The following PTPRT variants were observed in gnomAD, a reference collection of about 807,000 sequenced individuals.
The protein encoded by PTPRT is receptor-type tyrosine-protein phosphatase T.
In PTPRT, 56 loss-of-function variants were observed where a neutral mutation model predicts 176.8. The ratio of observed to expected loss-of-function variants is 0.32; its 90% CI spans 0.26 to 0.40. PTPRT has a LOEUF of 0.40. Among genes scored for constraint, PTPRT ranks in the 10% least tolerant of loss-of-function variants. The pLI is 1.00. For missense variants in PTPRT, 1,540 were observed against 1,908.2 expected (o/e 0.81, Z 3.60); for synonymous variants, 783 against 739.0 (o/e 1.06, Z -0.96).
rs188217296 is a variant in PTPRT, at chr20:42,910,549, A to C, written c.89-24617T>G. On this transcript the variant is annotated intron_variant, in intron 1 of 30. Transcript: ENST00000373187. Reference sequence around the variant, plus strand: ...AATTCATTCCACTGGACTTCCCCCAAGTAATCGACAGCTGGCTATGGGGTC... The same window carrying C: ...AATTCATTCCACTGGACTTCCCCCACGTAATCGACAGCTGGCTATGGGGTC... Among the ~76,000 whole-genome samples, 18 of 152,294 alleles carry C rather than the reference A, an allele frequency of 1.2e-4. No individual in the cohort carries two copies. The East Asian group carries it at 3.1e-3, about 26-fold the overall frequency.
chr20:42,728,407 A>G (rs112893012), intron 6 of PTPRT, among the ~76,000 whole-genome samples: 5 of 152,288 alleles, frequency 3.3e-5, no homozygotes, highest in African/African-American at 9.6e-5. Context: ...TTACATTATC[A>G]TCTTGCAAGG....
chr20:43,010,234 C>A (rs1985048538), intron 1 of PTPRT, among the ~76,000 whole-genome samples: 1 of 152,274 alleles, frequency 6.6e-6, no homozygotes, highest in Admixed American at 6.5e-5. Flanking sequence ...CTTCCATTAT[C>A]AAGTCACTTC....
intron 6 of PTPRT, among the ~76,000 whole-genome samples, chr20:42,752,629 G>A (rs1215078614): frequency 6.6e-6 from 1 of 152,234 alleles, no homozygotes; most frequent in Non-Finnish European, 1.5e-5. Flanking sequence ...CTTGGCCCTT[G>A]AGAATCCTTT....
intron 7 of PTPRT, among the ~76,000 whole-genome samples, chr20:42,620,465 C>G (rs551903758): frequency 1.1e-3 from 162 of 149,022 alleles, no homozygotes; most frequent in African/African-American, 4.0e-3. Context: ...GTGGTGGGCT[C>G]CACCCAGTTC....
At position 43,166,412 on chromosome 20, in the gene PTPRT, TTGTC is replaced by T. The variant is rs1368992543; in HGVS notation, c.88+23230_88+23233del. ...AGGCTTTATTTTTCTTTAATGCTGA[TTGTC>T]TGTCCACAATTTTAAAGATTTCCTC... On this transcript the variant is annotated intron_variant, in intron 1 of 30. Coordinates refer to ENST00000373187, the MANE Select transcript of PTPRT (RefSeq NM_007050.6). Among the ~76,000 whole-genome samples, 6 of 152,330 alleles carry T rather than the reference TTGTC, an allele frequency of 3.9e-5. No individual in the cohort carries two copies. In the East Asian group the frequency reaches 7.7e-4, roughly 20 times the overall value.
At chr20:42,548,817 C>T (rs1013367092) in intron 7 of PTPRT, among the ~76,000 whole-genome samples, 1 of 152,046 alleles carries the variant, frequency 6.6e-6, no homozygotes, top group Non-Finnish European at 1.5e-5. Flanking sequence ...TGTGAACAGT[C>T]AATAAAGAAG....
intron 2 of PTPRT, among the ~76,000 whole-genome samples, chr20:42,859,061 CAGG>C (rs1028764831): frequency 6.6e-6 from 1 of 152,140 alleles, no homozygotes; most frequent in Admixed American, 6.5e-5. Flanking sequence ...GCTGCAGCGT[CAGG>C]AGAAGGGACT....
intron 6 of PTPRT, among the ~76,000 whole-genome samples, chr20:42,726,986 T>C (rs2076390136): frequency 6.6e-6 from 1 of 152,196 alleles, no homozygotes; most frequent in East Asian, 1.9e-4. Flanking sequence ...TATGAATAAA[T>C]GTCAGTGCCC....
rs149661314 is a variant in PTPRT, at chr20:42,871,167, G to A, written c.214+14640C>T. Among the ~76,000 whole-genome samples the A allele has an allele frequency of 1.8e-3, 281 of 151,932 alleles. 1 individual carries two copies. Among genetic ancestry groups the A allele is most frequent in the African/African-American group, 6.4e-3 (265 of 41,426 alleles). On this transcript the variant is annotated intron_variant, in intron 2 of 30. Transcript: ENST00000373187. ...GGTTCTCACCATGTTGGCCAGGTTGGTCTTGAACTCCTGACCTCAGGTGAT... is the reference window on the plus strand; with the variant it reads ...GGTTCTCACCATGTTGGCCAGGTTGATCTTGAACTCCTGACCTCAGGTGAT...
At chr20:42,453,614 A>C (rs2145868803) in intron 8 of PTPRT, among the ~76,000 whole-genome samples, 1 of 151,916 alleles carries the variant, frequency 6.6e-6, no homozygotes, top group Admixed American at 6.6e-5. Flanking sequence ...TAAATAAATA[A>C]ATAAATAAAA....
At chr20:42,040,909 C>T in the PTPRT span, among the ~76,000 whole-genome samples, 40 of 152,252 alleles carry the variant, frequency 2.6e-4, no homozygotes, top group African/African-American at 9.6e-4. Context: ...CTGGAGTCAC[C>T]TGGAGGAAGG....
intron 1 of PTPRT, among the ~76,000 whole-genome samples, chr20:43,057,787 A>G (rs938572638): frequency 2.6e-5 from 4 of 152,232 alleles, no homozygotes; most frequent in African/African-American, 9.6e-5. Flanking sequence ...GGCAACATGA[A>G]TATGATAACT....
intron 9 of PTPRT, among the ~76,000 whole-genome samples, chr20:42,361,562 G>A (rs1023967250): frequency 1.3e-5 from 2 of 152,158 alleles, no homozygotes; most frequent in African/African-American, 2.4e-5. Context: ...CTAAGCTGCT[G>A]TATAAGAAGT....
At chr20:43,014,286 C>T (rs113641088) in intron 1 of PTPRT, among the ~76,000 whole-genome samples, 21 of 152,282 alleles carry the variant, frequency 1.4e-4, no homozygotes, top group African/African-American at 4.3e-4. Context: ...CAAGATAAGC[C>T]TACACTTCCA....
Position 42,791,345 on chromosome 20 carries a change from A to G in PTPRT, c.336T>C (p.Arg112=). ...CIDFHYYFSS[R]DRSSPGALNV... is the part of the protein sequence containing the mutation. Reference sequence around the variant, plus strand: ...TCAAGGCCCCTGGGCTGGACCTGTCACGGCTGGAGAAGTAGTAATGGAAGT... The same window carrying G: ...TCAAGGCCCCTGGGCTGGACCTGTCGCGGCTGGAGAAGTAGTAATGGAAGT... The change falls in exon 3 of 31, where the codon CGT becomes CGC. Residue 112 remains arginine (R), a synonymous_variant. Coordinates refer to ENST00000373187, the MANE Select transcript of PTPRT (RefSeq NM_007050.6). 2 of 1,614,208 alleles carry G rather than the reference A, an allele frequency of 1.2e-6. No homozygotes were observed. The highest frequency in any genetic ancestry group is 1.7e-6 in the Non-Finnish European group (2 of 1,180,032).
At chr20:42,238,945 G>T (rs1229482053) in intron 14 of PTPRT, among the ~76,000 whole-genome samples, 2 of 152,000 alleles carry the variant, frequency 1.3e-5, no homozygotes, top group Non-Finnish European at 2.9e-5. Context: ...ATCACCATAG[G>T]CATTAGCATT....
At position 42,532,066 on chromosome 20, in the gene PTPRT, C is replaced by T. The variant is rs543087725; in HGVS notation, c.1154-59504G>A. Among the ~76,000 whole-genome samples the T allele has an allele frequency of 2.6e-4, 40 of 152,148 alleles. 1 individual carries two copies. The highest frequency in any genetic ancestry group is 2.0e-3 in the Admixed American group (30 of 15,270). ...CTGGGGATAGGCAAGGCTATGGGGA[C>T]GAGAGGAGGCAGTGCTGTGGGACCC... On this transcript the variant is annotated intron_variant, in intron 7 of 30. Transcript: ENST00000373187.
chr20:42,502,099 C>T (rs2071759797), intron 7 of PTPRT, among the ~76,000 whole-genome samples: 2 of 152,038 alleles, frequency 1.3e-5, no homozygotes, highest in South Asian at 4.1e-4. Context: ...TTGTTTACTT[C>T]TTGAGTCAGT....
At chr20:42,242,285 C>G (rs2146886239) in intron 14 of PTPRT, among the ~76,000 whole-genome samples, 1 of 152,292 alleles carries the variant, frequency 6.6e-6, no homozygotes, top group South Asian at 2.1e-4. Flanking sequence ...GTGAAGCTCT[C>G]TTGTATAATC....
Sources: allele counts gnomAD v4.1 joint callset (sites outside exome capture counted in the v4.1 genomes callset), GRCh38; gene constraint gnomAD v4.1.1; transcripts MANE v1.5; gene names NCBI Gene and HGNC (gene_info 2026-07-23, HGNC 2026-07-21).